LEKR1: variants seen among roughly 807,000 people sequenced by gnomAD.
LEKR1 encodes leucine, glutamate and lysine rich 1, also known as protein LEKR1.
LEKR1 carries 59 observed loss-of-function variants against 72.4 expected under a neutral mutation model. That is an observed-to-expected ratio of 0.82 (90% confidence interval 0.66 to 1.01). LEKR1 has a LOEUF of 1.01. Ranked by LOEUF, LEKR1 falls within the 50% of genes least tolerant of loss-of-function variation. The probability of loss-of-function intolerance (pLI) is 0.00; values close to 1 mark genes in which losing one functional copy is unlikely to be tolerated. For synonymous variants in LEKR1, 257 were observed against 263.2 expected (o/e 0.98, Z 0.23); for missense variants, 728 against 759.2 (o/e 0.96, Z 0.48).
chr3:156,977,595 A>C (rs1271971724), intron 6 of LEKR1: 10 of 292,064 alleles, frequency 3.4e-5, no homozygotes, highest in Non-Finnish European at 6.9e-5. Context: ...TGACATATGC[A>C]ACAAAGTATA....
intron 4 of LEKR1, chr3:156,925,406 T>G (rs1724624562): frequency 6.6e-6 from 1 of 151,884 alleles, no homozygotes; most frequent in African/African-American, 2.4e-5. Flanking sequence ...CCTCTACTCA[T>G]TTAGTTGTAT....
chr3:157,035,257 T>C (rs1302680820), intron 12 of LEKR1, among the ~76,000 whole-genome samples: 1 of 152,158 alleles, frequency 6.6e-6, no homozygotes, highest in African/African-American at 2.4e-5. Context: ...ACAATATCTC[T>C]GTATGCCTAT....
At chr3:157,016,922 T>C (rs1577000453) in intron 10 of LEKR1, among the ~76,000 whole-genome samples, 1 of 151,832 alleles carries the variant, frequency 6.6e-6, no homozygotes. Context: ...GGAGACAAAA[T>C]TGAATTTTAA....
chr3:156,931,110 A>C (rs552574211), intron 5 of LEKR1, among the ~76,000 whole-genome samples: 2 of 152,158 alleles, frequency 1.3e-5, no homozygotes, highest in Non-Finnish European at 2.9e-5. Context: ...TATCAGTATG[A>C]AAATGAATAG....
intron 7 of LEKR1, among the ~76,000 whole-genome samples, chr3:156,981,614 T>C (rs1163543195): frequency 2.6e-5 from 4 of 152,232 alleles, no homozygotes; most frequent in African/African-American, 9.6e-5. Context: ...TGTCTCTAGC[T>C]CTTCCATCTA....
At chr3:156,955,512 A>G (rs1727544452) in intron 6 of LEKR1, among the ~76,000 whole-genome samples, 1 of 152,036 alleles carries the variant, frequency 6.6e-6, no homozygotes, top group African/African-American at 2.4e-5. Flanking sequence ...ATTTTGAAGT[A>G]TGTTCCCTTA....
intron 3 of LEKR1, among the ~76,000 whole-genome samples, chr3:156,858,502 G>A (rs62275168): frequency 0.032 from 4,829 of 151,624 alleles, 116 homozygotes; most frequent in Non-Finnish European, 0.048. Context: ...GTGAAACCCC[G>A]TTCTCTACTA....
intron 7 of LEKR1, among the ~76,000 whole-genome samples, chr3:156,982,879 A>C (rs556627864): frequency 2.0e-5 from 3 of 150,916 alleles, no homozygotes; most frequent in Non-Finnish European, 4.4e-5. Flanking sequence ...AGATAGATAG[A>C]TAGATAGATA....
intron 9 of LEKR1, among the ~76,000 whole-genome samples, chr3:156,995,130 T>C (rs1015754179): frequency 2.6e-5 from 4 of 152,212 alleles, no homozygotes; most frequent in Admixed American, 1.3e-4. Context: ...AGTAAATTTT[T>C]CCCCTTTTTC....
At chr3:156,858,901 A>G (rs993740407) in intron 3 of LEKR1, among the ~76,000 whole-genome samples, 3 of 152,034 alleles carry the variant, frequency 2.0e-5, no homozygotes, top group Admixed American at 6.6e-5. Context: ...TTTAGTTTTT[A>G]TTTGCTTTTT....
chr3:156,886,480 G>T (rs1188703319), intron 3 of LEKR1, among the ~76,000 whole-genome samples: 1 of 152,100 alleles, frequency 6.6e-6, no homozygotes, highest in Non-Finnish European at 1.5e-5. Flanking sequence ...AAGGAAATTT[G>T]TACCCAGTCA....
intron 7 of LEKR1, among the ~76,000 whole-genome samples, chr3:156,982,855 GTAGATAGATAGATAGATAGATAGA>G (rs57476413): frequency 7.1e-6 from 1 of 139,998 alleles, no homozygotes; most frequent in South Asian, 2.2e-4. Flanking sequence ...GTGTGTGTGT[GTAGATAGATAGATAGATAGATAGA>G]TAGATAGATA....
chr3:156,990,737 C>T (rs938007953), intron 7 of LEKR1, among the ~76,000 whole-genome samples: 4 of 152,190 alleles, frequency 2.6e-5, no homozygotes, highest in Non-Finnish European at 5.9e-5. Flanking sequence ...CAAACTGGCT[C>T]TTCTGAAATT....
intron 6 of LEKR1, among the ~76,000 whole-genome samples, chr3:156,976,652 A>C (rs1233232572): frequency 2.0e-5 from 3 of 152,196 alleles, no homozygotes; most frequent in Non-Finnish European, 4.4e-5. Flanking sequence ...GATTCTGGGA[A>C]TATGGTAACA....
At chr3:156,851,450 A>G (rs1301419059) in intron 2 of LEKR1, among the ~76,000 whole-genome samples, 1 of 152,206 alleles carries the variant, frequency 6.6e-6, no homozygotes, top group Non-Finnish European at 1.5e-5. Flanking sequence ...GTTAAAATAA[A>G]GGATAGGCAA....
At chr3:156,862,440 A>G (rs1311724277) in intron 3 of LEKR1, among the ~76,000 whole-genome samples, 1 of 152,044 alleles carries the variant, frequency 6.6e-6, no homozygotes, top group Non-Finnish European at 1.5e-5. Flanking sequence ...CTCTGCTAAT[A>G]CCTAATCCTA....
chr3:156,917,084 G>A lies in LEKR1; in HGVS notation c.264-3491G>A, dbSNP rs1309278844. Among the ~76,000 whole-genome samples the A allele has an allele frequency of 3.9e-5, 6 of 152,140 alleles. No homozygotes were observed. In the East Asian group the frequency reaches 9.7e-4, roughly 24 times the overall value. On this transcript the variant is annotated intron_variant, in intron 3 of 12. Coordinates refer to ENST00000356539, the MANE Select transcript of LEKR1 (RefSeq NM_001004316.3). ...AAAGAAATACAAATTGTATTCATGGGACAAGAAAAGGGGCAATTAAAAAAG... is the reference window on the plus strand; with the variant it reads ...AAAGAAATACAAATTGTATTCATGGAACAAGAAAAGGGGCAATTAAAAAAG...
At chr3:156,986,647 G>A (rs1400805655) in intron 7 of LEKR1, among the ~76,000 whole-genome samples, 1 of 152,164 alleles carries the variant, frequency 6.6e-6, no homozygotes, top group African/African-American at 2.4e-5. Context: ...CCAGACTGCT[G>A]GGGTTCAAAT....
chr3:156,982,153 A>G (rs769097027), intron 7 of LEKR1, among the ~76,000 whole-genome samples: 10 of 152,228 alleles, frequency 6.6e-5, no homozygotes, highest in Non-Finnish European at 1.3e-4. Context: ...TAGAGATTTT[A>G]TCAGAATGCT....
Sources: allele counts gnomAD v4.1 joint callset (sites outside exome capture counted in the v4.1 genomes callset), GRCh38; gene constraint gnomAD v4.1.1; transcripts MANE v1.5; gene names NCBI Gene and HGNC (gene_info 2026-07-23, HGNC 2026-07-21).